Variants in ZFHX2 observed in about 807,000 individuals in gnomAD.
The protein encoded by ZFHX2 is zinc finger homeobox 2.
ZFHX2 carries 75 observed loss-of-function variants against 164.8 expected under a neutral mutation model. That is an observed-to-expected ratio of 0.46 (90% CI 0.38 to 0.55). The LOEUF is 0.55. ZFHX2 is among the 20% of genes least tolerant of loss of function. ZFHX2 has a pLI of 0.00. For synonymous variants in ZFHX2, 1,217 were observed against 1,351.4 expected, an observed-to-expected ratio of 0.90 and a Z score of 2.18; for missense variants, 2,933 against 3,308.0, an observed-to-expected ratio of 0.89 and a Z score of 2.78.
At position 23,534,074 on chromosome 14, in the gene ZFHX2, G is replaced by T; in HGVS notation, c.1252C>A (p.Pro418Thr). Residue 418 changes from proline to threonine, a missense_variant, in exon 2 of 10, where the codon CCC becomes ACC. Pro to Thr is a conservative substitution (Grantham distance 38, BLOSUM62 -1). Transcript: ENST00000419474. The surrounding 1 kb of genome is among the most constrained non-coding windows in gnomAD (Gnocchi z 4.5). ...SPEDPSDPPQ[P>T]YRLADDYTPA... ...GTGTAGTCATCAGCTAGGCGATAGG[G>T]CTGGGGTGGGTCACTGGGGTCTTCG... The T allele has an allele frequency of 6.6e-7, 1 of 1,519,334 alleles. No individual in the cohort carries two copies. Among genetic ancestry groups the T allele is most frequent in the Non-Finnish European group, 8.8e-7 (1 of 1,137,004 alleles). The allele number at this position is 1,519,334 out of a possible 1,614,324, so 94.1% of individuals were successfully genotyped here.
intron 1 of ZFHX2, among the ~76,000 whole-genome samples, chr14:23,540,117 A>T (rs899228099): frequency 1.3e-5 from 2 of 152,136 alleles, no homozygotes; most frequent in African/African-American, 4.8e-5. Context: ...CCTCCCTCCC[A>T]GTAGCTGGGA....
In ZFHX2 at chr14:23,537,087, CCGGGACTGCACCAT is replaced by C. The variant is rs368665517; in HGVS notation, c.-49-1727_-49-1714del. Among the ~76,000 whole-genome samples, 1,393 of 152,176 alleles carry C rather than the reference CCGGGACTGCACCAT, an allele frequency of 9.2e-3. 8 individuals are homozygous for C. The highest frequency in any genetic ancestry group is 0.013 in the Non-Finnish European group (869 of 68,000). ...ACTGGGAGGCAGAGCTTGCAGTGAG[CCGGGACTGCACCAT>C]CGGGACTGCACCATCGTACTTCAGC... On this transcript the variant is annotated intron_variant, in intron 1 of 9. Coordinates refer to ENST00000419474, the MANE Select transcript of ZFHX2 (RefSeq NM_033400.3).
rs564503151 is a variant in ZFHX2, at chr14:23,524,377, G to A, written c.5565C>T (p.Pro1855=). Residue 1855 remains proline, a synonymous_variant, in exon 9 of 10, where the codon CCC becomes CCT. Transcript: ENST00000419474. This position sits in a 1 kb window ranked among gnomAD's most constrained non-coding sequence, Gnocchi z 5.6. ...EAGGGGEGEP[P]RDKRLRTTIL... ...TGGTGGTGCGCAGGCGCTTGTCCCT[G>A]GGGGGCTCGCCCTCCCCTCCTCCCC... is the stretch of plus-strand genomic sequence containing the variant. 5.2e-6 allele frequency: 8 copies of A among 1,536,196 alleles called. No homozygotes were observed. The highest frequency in any genetic ancestry group is 7.0e-6 in the Non-Finnish European group (8 of 1,146,920).
rs1417174673 is a variant in ZFHX2 at position 23,525,512 on chromosome 14, C to T, written c.4430G>A (p.Gly1477Glu). The change falls in exon 9 of 10, where the codon GGG (glycine) becomes GAG (glutamate). Residue 1477 changes from glycine to glutamate, a missense_variant. By Grantham distance (98) the Gly-to-Glu change is moderately conservative. Transcript: ENST00000419474. This position sits in a 1 kb window ranked among gnomAD's most constrained non-coding sequence, Gnocchi z 5.9. ...TPPPPEALGGGDKLACGACGK... is the reference protein window; with the variant it reads ...TPPPPEALGGEDKLACGACGK... ...ACAGGCCCCACAGGCCAGCTTGTCC[C>T]CACCCCCGAGGGCCTCAGGTGGGGG... 2.0e-6 allele frequency: 3 copies of T among 1,535,638 alleles called. No homozygotes were observed. The highest frequency in any genetic ancestry group is 2.7e-5 in the African/African-American group (2 of 73,030).
intron 4 of ZFHX2, chr14:23,530,684 A>G (rs1359220851): frequency 1.2e-5 from 4 of 343,040 alleles, no homozygotes; most frequent in African/African-American, 8.7e-5. Context: ...AGCCTAATTA[A>G]AGTGTTAAAG....
In ZFHX2 at chr14:23,521,993, G is replaced by A; in HGVS notation, c.7688C>T (p.Thr2563Ile). The A allele has an allele frequency of 2.0e-6, 3 of 1,536,410 alleles. No individual in the cohort carries two copies. The highest frequency in any genetic ancestry group is 2.4e-5 in the East Asian group (1 of 40,920). ...AGCTAGAAGTGTAGAGGTAGTCGTA[G>A]TTTTTGGGTTGGAGTCCGTGTGAGG... The part of the protein sequence containing the change: ...RLPHTDSNPK[T>I]TTTSTLLAL The change falls in exon 10 of 10, where the codon ACT becomes ATT. Residue 2563 changes from threonine (T) to isoleucine (I), a missense_variant. Thr to Ile is a moderately conservative substitution (Grantham distance 89). Transcript: ENST00000419474.
rs1881167263 is a variant in ZFHX2, at chr14:23,544,502, G to A, written c.-50+6841C>T. 1.3e-5 allele frequency among the ~76,000 whole-genome samples: 2 copies of A among 152,188 alleles called. 1 individual carries two copies. Among genetic ancestry groups the A allele is most frequent in the South Asian group, 4.1e-4 (2 of 4,832 alleles). ...TAGCCCTGTCCCAGTACTTCTTTGGGGTTGGTGAAGGTGCTTGTTCTCCCT... is the reference window on the plus strand; with the variant it reads ...TAGCCCTGTCCCAGTACTTCTTTGGAGTTGGTGAAGGTGCTTGTTCTCCCT... On this transcript the variant is annotated intron_variant, in intron 1 of 9. Coordinates refer to ENST00000419474, the MANE Select transcript of ZFHX2 (RefSeq NM_033400.3).
At chr14:23,538,193 G>A (rs1880399202) in intron 1 of ZFHX2, 1 of 152,134 alleles carries the variant, frequency 6.6e-6, no homozygotes, top group Non-Finnish European at 1.5e-5. Context: ...GACTCTGATC[G>A]GCCGAGGGTA....
At chr14:23,541,445 G>A (rs1471928827) in intron 1 of ZFHX2, among the ~76,000 whole-genome samples, 2 of 151,938 alleles carry the variant, frequency 1.3e-5, no homozygotes, top group African/African-American at 2.4e-5. Context: ...GCTCCACCAC[G>A]CCCAGCTAAT....
Position 23,532,961 on chromosome 14 carries a change from A to G in ZFHX2, c.2165T>C (p.Leu722Pro). Residue 722 changes from leucine (L) to proline (P), a missense_variant, in exon 3 of 10, where the codon CTA becomes CCA. Transcript: ENST00000419474. The part of the protein sequence containing the change: ...DSLSLKVFRC[L>P]VCQAFSTDSL... ...GTCTGTGCTGAAGGCCTGGCACACT[A>G]GGCAGCGGAACACCTTCAGGGACAG... 6.5e-7 allele frequency: 1 copy of G among 1,536,186 alleles called. No homozygotes were observed. The highest frequency in any genetic ancestry group is 1.2e-5 in the South Asian group (1 of 84,062).
chr14:23,524,274 T>G lies in ZFHX2; in HGVS notation c.5668A>C (p.Ile1890Leu). The change falls in exon 9 of 10, where the codon ATC becomes CTC. Residue 1890 changes from isoleucine to leucine, a missense_variant. Coordinates refer to ENST00000419474, the MANE Select transcript of ZFHX2 (RefSeq NM_033400.3). The surrounding 1 kb of genome is among the most constrained non-coding windows in gnomAD (Gnocchi z 5.6). Reference protein sequence around the residue: ...SNPTRKMLDCISEEVGLKKRV... With the variant: ...SNPTRKMLDCLSEEVGLKKRV... Reference sequence around the variant, plus strand: ...TTTTTGAGCCCCACCTCCTCGGAGATGCAGTCGAGCATCTTGCGTGTTGGG... The same window carrying G: ...TTTTTGAGCCCCACCTCCTCGGAGAGGCAGTCGAGCATCTTGCGTGTTGGG... 1 of 1,536,366 alleles carries G rather than the reference T, an allele frequency of 6.5e-7. No homozygotes were observed. Among genetic ancestry groups the G allele is most frequent in the Non-Finnish European group, 8.7e-7 (1 of 1,146,946 alleles).
At chr14:23,539,343 TAC>T (rs150438325) in intron 1 of ZFHX2, among the ~76,000 whole-genome samples, 2,382 of 152,224 alleles carry the variant, frequency 0.016, 64 homozygotes, top group African/African-American at 0.054. Flanking sequence ...AAAAAATATA[TAC>T]AGTCGTAATT....
chr14:23,525,998 C>G lies in ZFHX2; in HGVS notation c.3944G>C (p.Gly1315Ala). Residue 1315 changes from glycine to alanine, a missense_variant, in exon 9 of 10, where the codon GGC becomes GCC. Gly to Ala is a moderately conservative substitution (Grantham distance 60). Transcript: ENST00000419474. The surrounding 1 kb of genome is among the most constrained non-coding windows in gnomAD (Gnocchi z 5.9). ...CAGGAAAGGCAATCCAGATATGAAG[C>G]CACTGGTGTCAGGGCCCTTCTTCTC... ...GTEKKGPDTS[G>A]FISGLPFLSP... The G allele has an allele frequency of 6.5e-7, 1 of 1,529,384 alleles. No homozygotes were observed. Among genetic ancestry groups the G allele is most frequent in the Non-Finnish European group, 8.7e-7 (1 of 1,143,232 alleles). The allele number at this position is 1,529,384 out of a possible 1,614,324, so 94.7% of individuals were successfully genotyped here. A position where few individuals can be genotyped will look rare whatever the true frequency, so the allele number is the denominator to read the frequency against.
At chr14:23,537,952 C>G (rs139265546) in intron 1 of ZFHX2, 1 of 152,722 alleles carries the variant, frequency 6.5e-6, no homozygotes, top group Non-Finnish European at 1.5e-5. Context: ...CTCTCCCAGC[C>G]GGCCCAAGTG....
chr14:23,537,484 C>T (rs917416341), intron 1 of ZFHX2, among the ~76,000 whole-genome samples: 4 of 152,190 alleles, frequency 2.6e-5, no homozygotes, highest in African/African-American at 9.7e-5. Context: ...AATGGGTCCT[C>T]AGTCTGGCCC....
At chr14:23,528,258 A>T (rs1468119791) in intron 6 of ZFHX2, among the ~76,000 whole-genome samples, 1 of 152,188 alleles carries the variant, frequency 6.6e-6, no homozygotes, top group African/African-American at 2.4e-5. Flanking sequence ...GCATTATAGC[A>T]GACCCAGCCT....
At position 23,534,700 on chromosome 14, in the gene ZFHX2, C is replaced by T. The variant is rs1341466230; in HGVS notation, c.626G>A (p.Ser209Asn). ...GGGTGGATTTGGAGCCAGCTGGTAG[C>T]TCCAGAAAGCTCCATGCCTTTCCTC... ...ACEERHGAFW[S>N]YQLAPNPPGD... is the part of the protein sequence containing the mutation. The change falls in exon 2 of 10, where the codon AGC (serine) becomes AAC (asparagine). Residue 209 changes from serine (S) to asparagine (N), a missense_variant. By Grantham distance (46) the Ser-to-Asn change is conservative. Transcript: ENST00000419474. The surrounding 1 kb of genome is among the most constrained non-coding windows in gnomAD (Gnocchi z 4.5). 9.8e-6 allele frequency: 15 copies of T among 1,536,068 alleles called. No homozygotes were observed. The highest frequency in any genetic ancestry group is 1.3e-5 in the Non-Finnish European group (15 of 1,146,926).
rs1881920981 is a variant in ZFHX2, at chr14:23,551,216, C to G, written c.-50+127G>C. On this transcript the variant is annotated intron_variant, in intron 1 of 9. Transcript: ENST00000419474. The surrounding 1 kb of genome is among the most constrained non-coding windows in gnomAD (Gnocchi z 5.3). ...AGCCCCTTCCCGTCCCTCTCCGTCC[C>G]CTCCAGCGGCAGTCTCCAAGCGCCT... The G allele has an allele frequency of 6.5e-6, 1 of 152,834 alleles. No individual in the cohort carries two copies. Among genetic ancestry groups the G allele is most frequent in the Non-Finnish European group, 1.5e-5 (1 of 68,236 alleles). The allele number at this position is 152,834 out of a possible 1,614,324, so 9.5% of individuals were successfully genotyped here.
chr14:23,552,245 G>A (rs1882024432), upstream of ZFHX2, among the ~76,000 whole-genome samples: 2 of 151,292 alleles, frequency 1.3e-5, no homozygotes, highest in African/African-American at 4.9e-5. Context: ...GGAGGTTCGG[G>A]CTCCTCCTCA....
Sources: gnomAD v4.1 joint callset for allele counts (sites outside exome capture counted in the v4.1 genomes callset) on GRCh38, gnomAD v4.1.1 for gene constraint, Gnocchi (gnomAD v3.1) non-coding constraint, MANE v1.5 for transcripts, NCBI Gene and HGNC (gene_info 2026-07-23, HGNC 2026-07-21) for gene names.